The following TAFA1 variants were observed in gnomAD, a reference collection of about 807,000 sequenced individuals.
TAFA1 encodes the protein TAFA chemokine like family member 1.
Under a neutral mutation model 18.5 loss-of-function variants are expected in TAFA1, and 4 were observed. The ratio of observed to expected loss-of-function variants is 0.22; its 90% confidence interval spans 0.11 to 0.49. The LOEUF (loss-of-function observed/expected upper bound fraction) is 0.49. Among genes scored for constraint, TAFA1 ranks in the 20% least tolerant of loss-of-function variants. TAFA1 has a pLI of 0.98. For missense variants in TAFA1, 147 were observed against 169.0 expected, an observed-to-expected ratio of 0.87 and a Z score of 0.72; for synonymous variants, 56 against 55.2, an observed-to-expected ratio of 1.01 and a Z score of -0.06.
chr3:68,155,342 G>A (rs925517658), intron 2 of TAFA1, among the ~76,000 whole-genome samples: 4 of 152,228 alleles, frequency 2.6e-5, no homozygotes, highest in African/African-American at 7.2e-5. Flanking sequence ...TAGCACATTC[G>A]CATTTACCAA....
chr3:68,283,572 A>T (rs1217279123), intron 2 of TAFA1, among the ~76,000 whole-genome samples: 1 of 152,216 alleles, frequency 6.6e-6, no homozygotes, highest in Non-Finnish European at 1.5e-5. Flanking sequence ...GCCTCTAAGC[A>T]TAAATTTCCT....
At chr3:68,420,972 C>T (rs1004051749) in intron 3 of TAFA1, among the ~76,000 whole-genome samples, 1 of 152,142 alleles carries the variant, frequency 6.6e-6, no homozygotes, top group Non-Finnish European at 1.5e-5. Context: ...GATGGTTTCT[C>T]ATGTTCTTTG....
At chr3:68,293,306 T>G (rs1260227046) in intron 2 of TAFA1, among the ~76,000 whole-genome samples, 2 of 152,282 alleles carry the variant, frequency 1.3e-5, no homozygotes, top group South Asian at 4.1e-4. Flanking sequence ...GATGATGGGT[T>G]GATAGGTGCA....
intron 3 of TAFA1, among the ~76,000 whole-genome samples, chr3:68,524,212 G>A (rs2073071181): frequency 1.3e-5 from 2 of 152,108 alleles, no homozygotes; most frequent in African/African-American, 2.4e-5. Flanking sequence ...CTCAGCTGGG[G>A]TAGCTACTCT....
intron 3 of TAFA1, among the ~76,000 whole-genome samples, chr3:68,420,365 C>G (rs1453639366): frequency 6.6e-6 from 1 of 152,102 alleles, no homozygotes; most frequent in Non-Finnish European, 1.5e-5. Flanking sequence ...GTTCAAGCAA[C>G]CATTCTCCCT....
chr3:68,079,588 A>G (rs2064870863), intron 2 of TAFA1, among the ~76,000 whole-genome samples: 1 of 152,062 alleles, frequency 6.6e-6, no homozygotes, highest in Non-Finnish European at 1.5e-5. Context: ...GTCATTCAGG[A>G]GCAGGTTGTT....
At chr3:68,188,409 T>G (rs562225251) in intron 2 of TAFA1, among the ~76,000 whole-genome samples, 2 of 151,238 alleles carry the variant, frequency 1.3e-5, no homozygotes, top group South Asian at 4.1e-4. Context: ...TTTTTTCTAT[T>G]TCTTAGCTAT....
At chr3:68,397,556 T>A (rs2070407822) in intron 2 of TAFA1, among the ~76,000 whole-genome samples, 2 of 152,230 alleles carry the variant, frequency 1.3e-5, no homozygotes, top group Admixed American at 1.3e-4. Flanking sequence ...CTTTATCCAG[T>A]CTATCATTGA....
At chr3:68,520,846 G>A (rs1399907310) in intron 3 of TAFA1, among the ~76,000 whole-genome samples, 1 of 152,034 alleles carries the variant, frequency 6.6e-6, no homozygotes, top group East Asian at 1.9e-4. Context: ...TTAATATTCG[G>A]TACTAAATGG....
intron 2 of TAFA1, among the ~76,000 whole-genome samples, chr3:68,068,194 A>C (rs73834814): frequency 0.022 from 3,394 of 152,354 alleles, 40 homozygotes; most frequent in Middle Eastern, 0.037. Flanking sequence ...CCATTAGATG[A>C]AAGATAAGTT....
intron 2 of TAFA1, among the ~76,000 whole-genome samples, chr3:68,353,320 A>G (rs1348933751): frequency 6.6e-6 from 1 of 152,088 alleles, no homozygotes; most frequent in African/African-American, 2.4e-5. Context: ...CATTGTGAAG[A>G]TGGACTTGAT....
intron 3 of TAFA1, among the ~76,000 whole-genome samples, chr3:68,488,903 C>T (rs1353711464): frequency 6.6e-6 from 1 of 152,144 alleles, no homozygotes; most frequent in Non-Finnish European, 1.5e-5. Flanking sequence ...ATTAAGTGAA[C>T]ATGTGGCTCT....
Position 68,021,185 on chromosome 3 carries a change from CAAAAAAA to C in TAFA1, c.118+14462_118+14468del, listed in dbSNP as rs10610707. Reference sequence around the variant, plus strand: ...TAGTCAACAGAACAAGACCCTGTCTCAAAAAAAAAAAAAAAAAAAAAAAAAAAGTAGT... The same window carrying C: ...TAGTCAACAGAACAAGACCCTGTCTCAAAAAAAAAAAAAAAAAAAAGTAGT... On this transcript the variant is annotated intron_variant, in intron 2 of 4. Coordinates refer to ENST00000478136, the MANE Select transcript of TAFA1 (RefSeq NM_213609.4). Among the ~76,000 whole-genome samples, 68 of 56,092 alleles carry C rather than the reference CAAAAAAA, an allele frequency of 1.2e-3. 3 individuals carry two copies. The highest frequency in any genetic ancestry group is 6.6e-3 in the Admixed American group (20 of 3,044). The allele number at this position is 56,092 out of a possible 152,430, so 36.8% of individuals were successfully genotyped here. A position where few individuals can be genotyped will look rare whatever the true frequency, so the allele number is the denominator to read the frequency against.
intron 2 of TAFA1, among the ~76,000 whole-genome samples, chr3:68,331,936 TCACTGCA>T (rs2068883417): frequency 7.6e-6 from 1 of 131,288 alleles, no homozygotes; most frequent in Non-Finnish European, 1.6e-5. Flanking sequence ...CGATCTCAGC[TCACTGCA>T]AGCTCTGCCT....
intron 2 of TAFA1, among the ~76,000 whole-genome samples, chr3:68,305,568 A>C (rs953611956): frequency 6.6e-6 from 1 of 150,800 alleles, no homozygotes; most frequent in Non-Finnish European, 1.5e-5. Context: ...AGTAGTAATC[A>C]TTTTAGATCT....
intron 2 of TAFA1, among the ~76,000 whole-genome samples, chr3:68,041,056 G>C (rs1312520043): frequency 6.6e-6 from 1 of 152,054 alleles, no homozygotes; most frequent in African/African-American, 2.4e-5. Flanking sequence ...AAACATCAAA[G>C]ATTATTGCAA....
chr3:67,993,044 T>C, the TAFA1 span, among the ~76,000 whole-genome samples: 1 of 152,198 alleles, frequency 6.6e-6, no homozygotes, highest in Non-Finnish European at 1.5e-5. Context: ...GGGGTGCAGA[T>C]GGAAGAAAGT....
chr3:68,286,125 C>A (rs1006474959), intron 2 of TAFA1, among the ~76,000 whole-genome samples: 1 of 152,048 alleles, frequency 6.6e-6, no homozygotes, highest in Non-Finnish European at 1.5e-5. Context: ...GCAGGAGAAT[C>A]GCTTGAACCT....
intron 2 of TAFA1, among the ~76,000 whole-genome samples, chr3:68,093,599 TCTGA>T (rs1299136661): frequency 4.6e-5 from 7 of 152,136 alleles, no homozygotes; most frequent in African/African-American, 1.7e-4. Flanking sequence ...TCACTTTCTG[TCTGA>T]CTATGTGATG....
Sources: allele counts gnomAD v4.1 joint callset (sites outside exome capture counted in the v4.1 genomes callset), GRCh38; gene constraint gnomAD v4.1.1; transcripts MANE v1.5; gene names NCBI Gene and HGNC (gene_info 2026-07-23, HGNC 2026-07-21).